The following GNPTAB variants were observed in gnomAD, a reference collection of about 807,000 sequenced individuals.
The protein encoded by GNPTAB is N-acetylglucosamine-1-phosphate transferase subunits alpha and beta, also known as N-acetylglucosamine-1-phosphotransferase subunits alpha/beta.
A neutral mutation model predicts 136.6 loss-of-function variants in GNPTAB; 92 were observed. The observed-to-expected ratio is 0.67, with a 90% CI of 0.57 to 0.80. GNPTAB has a LOEUF of 0.80. GNPTAB is among the 30% of genes least tolerant of loss of function. The pLI, the probability that GNPTAB is intolerant of heterozygous loss-of-function variation, is 0.00. For synonymous variants in GNPTAB, 512 were observed against 535.1 expected (o/e 0.96, Z 0.60); for missense variants, 1,343 against 1,501.8 (o/e 0.89, Z 1.75).
At chr12:101,769,727 A>C (rs1953142408) in intron 10 of GNPTAB, among the ~76,000 whole-genome samples, 1 of 147,118 alleles carries the variant, frequency 6.8e-6, no homozygotes. Flanking sequence ...GTGACCCCCT[A>C]CTCCCCCCAC....
chr12:101,787,628 T>G (rs951665354), intron 4 of GNPTAB, among the ~76,000 whole-genome samples: 5 of 152,200 alleles, frequency 3.3e-5, no homozygotes, highest in Admixed American at 2.6e-4. Flanking sequence ...AGAAGGCACT[T>G]CTGAGGCCGG....
At chr12:101,830,193 G>A (rs184609286) in intron 1 of GNPTAB, among the ~76,000 whole-genome samples, 20 of 152,292 alleles carry the variant, frequency 1.3e-4, no homozygotes, top group Admixed American at 1.2e-3. Flanking sequence ...AGGACTTCCA[G>A]ACCAACCTGG....
At chr12:101,775,648 C>T (rs1363676063) in intron 7 of GNPTAB, among the ~76,000 whole-genome samples, 2 of 151,916 alleles carry the variant, frequency 1.3e-5, no homozygotes, top group Non-Finnish European at 2.9e-5. Context: ...CAGGCGTGAG[C>T]CACTATGCCC....
intron 1 of GNPTAB, among the ~76,000 whole-genome samples, chr12:101,807,524 A>G (rs1869990020): frequency 6.6e-6 from 1 of 152,142 alleles, no homozygotes; most frequent in African/African-American, 2.4e-5. Context: ...GAAAAAAAAA[A>G]CTGTCTTTGT....
At chr12:101,811,632 TAC>T (rs1870239868) in intron 1 of GNPTAB, among the ~76,000 whole-genome samples, 1 of 150,288 alleles carries the variant, frequency 6.7e-6, no homozygotes, top group African/African-American at 2.4e-5. Context: ...AGGAGGGTGC[TAC>T]ACACTTTTTT....
chr12:101,813,989 G>C (rs1425425845), intron 1 of GNPTAB, among the ~76,000 whole-genome samples: 1 of 151,916 alleles, frequency 6.6e-6, no homozygotes, highest in Admixed American at 6.6e-5. Flanking sequence ...TGAGGCAGAA[G>C]AATCGCTTGA....
chr12:101,794,861 G>T (rs1341471656), intron 2 of GNPTAB, among the ~76,000 whole-genome samples: 1 of 152,036 alleles, frequency 6.6e-6, no homozygotes, highest in African/African-American at 2.4e-5. Context: ...GAGTCCAGGA[G>T]TTTGAGACCA....
chr12:101,798,183 G>A (rs1242208787), intron 1 of GNPTAB, among the ~76,000 whole-genome samples: 2 of 150,582 alleles, frequency 1.3e-5, no homozygotes, highest in Non-Finnish European at 3.0e-5. Flanking sequence ...AGTATTCATA[G>A]CAGTTGCCCA....
intron 2 of GNPTAB, among the ~76,000 whole-genome samples, chr12:101,790,501 C>T (rs1868924081): frequency 6.6e-6 from 1 of 152,192 alleles, no homozygotes; most frequent in African/African-American, 2.4e-5. Context: ...CACAGTGGCT[C>T]ACGCCTATAA....
chr12:101,774,680 T>C (rs1245306610), intron 7 of GNPTAB, among the ~76,000 whole-genome samples: 3 of 152,198 alleles, frequency 2.0e-5, no homozygotes. Flanking sequence ...TTAGAGCATA[T>C]TAATATAAAA....
intron 1 of GNPTAB, among the ~76,000 whole-genome samples, chr12:101,824,422 A>ATATATATATATATG (rs1870971832): frequency 9.4e-6 from 1 of 106,820 alleles, no homozygotes; most frequent in Non-Finnish European, 1.8e-5. Context: ...ATATATATAT[A>ATATATATATATATG]TATATATATA....
At position 101,766,119 on chromosome 12, in the gene GNPTAB, A is replaced by G. The variant is rs1953089224; in HGVS notation, c.1584T>C (p.Cys528=). 1 of 1,614,020 alleles carries G rather than the reference A, an allele frequency of 6.2e-7. No homozygotes were observed. The change falls in exon 12 of 21, where the codon TGT becomes TGC. Residue 528 remains cysteine, a synonymous_variant. Coordinates refer to ENST00000299314, the MANE Select transcript of GNPTAB (RefSeq NM_024312.5). ...FCDQACNVLS[C]GFDAGDCGQD... is the part of the protein sequence containing the mutation. Reference sequence around the variant, plus strand: ...GCCCACAGTCGCCAGCATCAAACCCACAGGACAAGACATTGCATGCTTGGT... The same window carrying G: ...GCCCACAGTCGCCAGCATCAAACCCGCAGGACAAGACATTGCATGCTTGGT...
At position 101,794,587 on chromosome 12, in the gene GNPTAB, A is replaced by C. The variant is rs78795678; in HGVS notation, c.203+2090T>G. Among the ~76,000 whole-genome samples, 1,442 of 152,326 alleles carry C rather than the reference A, an allele frequency of 9.5e-3. 28 individuals carry two copies. Among genetic ancestry groups the C allele is most frequent in the African/African-American group, 0.033 (1,363 of 41,578 alleles). On this transcript the variant is annotated intron_variant, in intron 2 of 20. Coordinates refer to ENST00000299314, the MANE Select transcript of GNPTAB (RefSeq NM_024312.5). ...ATCTTAAAATATATTAGACCATGTG[A>C]AATGTTATATATGATCCATTTATTT... is the stretch of plus-strand genomic sequence containing the variant.
In GNPTAB at chr12:101,762,231, A is replaced by C. The variant is rs570678825; in HGVS notation, c.2716-468T>G. ...CATCTTATAATAGTTTTAATATTAT[A>C]AAATCAAAACCAGTCAGTGGCAGAA... On this transcript the variant is annotated intron_variant, in intron 13 of 20. Coordinates refer to ENST00000299314, the MANE Select transcript of GNPTAB (RefSeq NM_024312.5). Among the ~76,000 whole-genome samples, 37 of 152,372 alleles carry C rather than the reference A, an allele frequency of 2.4e-4. No individual in the cohort carries two copies. In the South Asian group the frequency reaches 5.8e-3, roughly 24 times the overall value.
At position 101,764,535 on chromosome 12, in the gene GNPTAB, A is replaced by C. The variant is rs1470506957; in HGVS notation, c.2382T>G (p.Ser794Arg). 6.2e-7 allele frequency: 1 copy of C among 1,613,076 alleles called. No homozygotes were observed. Among genetic ancestry groups the C allele is most frequent in the Non-Finnish European group, 8.5e-7 (1 of 1,179,730 alleles). ...CCTGGTCATGACCATTCACTTTTAC[A>C]CTCACTGCAGGAAAAGTCAACCTCT... ...RLQRLTFPAV[S>R]VKVNGHDQGQ... The change falls in exon 13 of 21, where the codon AGT becomes AGG. Residue 794 changes from serine to arginine, a missense_variant. Ser to Arg is a moderately radical substitution (Grantham distance 110). Transcript: ENST00000299314.
At chr12:101,791,306 T>G (rs1868973978) in intron 2 of GNPTAB, among the ~76,000 whole-genome samples, 2 of 152,176 alleles carry the variant, frequency 1.3e-5, no homozygotes, top group South Asian at 4.1e-4. Context: ...CATGCCACTT[T>G]GACTTATGAC....
intron 1 of GNPTAB, chr12:101,810,420 TATACACACACATAC>T: frequency 9.4e-6 from 1 of 106,564 alleles, no homozygotes; most frequent in South Asian, 2.9e-4. Context: ...TATATATATA[TATACACACACATAC>T]ACACACACAC....
intron 1 of GNPTAB, among the ~76,000 whole-genome samples, chr12:101,804,489 C>T (rs1331772262): frequency 1.3e-5 from 2 of 152,184 alleles, no homozygotes; most frequent in African/African-American, 4.8e-5. Context: ...ATCCAGTGCC[C>T]TACTCTGCAG....
intron 13 of GNPTAB, among the ~76,000 whole-genome samples, chr12:101,763,179 G>A (rs1196983110): frequency 3.4e-5 from 5 of 147,214 alleles, no homozygotes; most frequent in Admixed American, 1.4e-4. Context: ...CCGAGATCAC[G>A]CCATTGCACT....
Sources: gnomAD v4.1 joint callset for allele counts (sites outside exome capture counted in the v4.1 genomes callset) on GRCh38, gnomAD v4.1.1 for gene constraint, MANE v1.5 for transcripts, NCBI Gene and HGNC (gene_info 2026-07-23, HGNC 2026-07-21) for gene names.